Variants in DIDO1 observed in about 807,000 individuals in gnomAD.
DIDO1 encodes death inducer-obliterator 1.
Under a neutral mutation model 99.4 loss-of-function variants are expected in DIDO1, and 16 were observed. The observed-to-expected ratio is 0.16, with a 90% CI of 0.11 to 0.24. The LOEUF (loss-of-function observed/expected upper bound fraction) is 0.24, where lower values mean the gene tolerates loss of function less well. Ranked by LOEUF, DIDO1 falls within the 10% of genes least tolerant of loss-of-function variation. The pLI is 1.00. For synonymous variants in DIDO1, 1,366 were observed against 1,239.1 expected, an observed-to-expected ratio of 1.10 and a Z score of -2.15; for missense variants, 2,996 against 3,014.0, an observed-to-expected ratio of 0.99 and a Z score of 0.14.
chr20:62,932,887 G>A (rs1469278237), intron 1 of DIDO1, among the ~76,000 whole-genome samples: 1 of 152,214 alleles, frequency 6.6e-6, no homozygotes, highest in African/African-American at 2.4e-5. Context: ...ATTCTTTACA[G>A]GGTCTGGGTT....
At chr20:62,919,314 G>A (rs1408078833) in intron 1 of DIDO1, among the ~76,000 whole-genome samples, 1 of 152,182 alleles carries the variant, frequency 6.6e-6, no homozygotes, top group African/African-American at 2.4e-5. Context: ...TGAGGCAGGT[G>A]GATCACCTGA....
At chr20:62,926,300 T>C (rs2065254288) in intron 1 of DIDO1, 139 bp downstream of exon 1, 1 of 151,120 alleles carries the variant, frequency 6.6e-6, no homozygotes, top group African/African-American at 2.4e-5. Flanking sequence ...GGCCGCCATC[T>C]TCTCGGCGGG....
In DIDO1 at chr20:62,893,923, G is replaced by C. The variant is rs567340852; in HGVS notation, c.2844C>G (p.Pro948=). 9 of 1,611,844 alleles carry C rather than the reference G, an allele frequency of 5.6e-6. No homozygotes were observed. Among genetic ancestry groups the C allele is most frequent in the African/African-American group, 2.7e-5 (2 of 75,004 alleles). Residue 948 remains proline (P), a synonymous_variant, in exon 12 of 16, where the codon CCC becomes CCG. Coordinates refer to ENST00000395343, the MANE Select transcript of DIDO1 (RefSeq NM_001193369.2). The stretch of plus-strand genomic sequence containing the variant: ...CCCCGCTCCCACAGGAGGCTGGGCA[G>C]GGGGACAGGTCTTCCAGCGGGGAGG... ...PEPSPLEDLS[P]CPASCGSGVV...
intron 1 of DIDO1, among the ~76,000 whole-genome samples, chr20:62,921,991 T>C (rs1601029140): frequency 6.7e-6 from 1 of 150,056 alleles, no homozygotes; most frequent in Admixed American, 6.7e-5. Flanking sequence ...ATGTCCACAA[T>C]ATATATACAC....
At chr20:62,922,107 T>TAC (rs1281359081) in intron 1 of DIDO1, among the ~76,000 whole-genome samples, 12 of 66,218 alleles carry the variant, frequency 1.8e-4, no homozygotes, top group African/African-American at 5.7e-4. Context: ...ACACTATATA[T>TAC]ATACACACAC....
rs376802527 is a variant in DIDO1, at chr20:62,894,169, C to T, written c.2598G>A (p.Glu866=). 9.9e-6 allele frequency: 16 copies of T among 1,613,752 alleles called. No individual in the cohort carries two copies. Among genetic ancestry groups the T allele is most frequent in the East Asian group, 8.9e-5 (4 of 44,884 alleles). Residue 866 remains glutamate (E), a synonymous_variant, in exon 12 of 16, where the codon GAG becomes GAA. Transcript: ENST00000395343. This position sits in a 1 kb window ranked among gnomAD's most constrained non-coding sequence, Gnocchi z 4.4. The part of the protein sequence containing the change: ...CTGQVPSAED[E]PAPKKQKLSA... ...ACAATTTTTGTTTTTTCGGAGCTGG[C>T]TCATCTTCTGCGGAGGGAACCTGGC...
intron 4 of DIDO1, among the ~76,000 whole-genome samples, chr20:62,908,339 A>G (rs2064852037): frequency 6.6e-6 from 1 of 152,178 alleles, no homozygotes; most frequent in Non-Finnish European, 1.5e-5. Flanking sequence ...TCCCCTGCCA[A>G]GCCTCTGGAG....
chr20:62,932,210 G>A (rs11907309), intron 1 of DIDO1, among the ~76,000 whole-genome samples: 1 of 152,194 alleles, frequency 6.6e-6, no homozygotes, highest in African/African-American at 2.4e-5. Context: ...AGTAAATGTA[G>A]GGCCAGGCAC....
intron 14 of DIDO1, among the ~76,000 whole-genome samples, 153 bp from the exon 15 acceptor site, chr20:62,891,308 C>T (rs1305811929): frequency 5.3e-5 from 8 of 152,206 alleles, no homozygotes; most frequent in Admixed American, 3.3e-4. Context: ...AGGCAATTCA[C>T]GTGACATGTG....
intron 12 of DIDO1, among the ~76,000 whole-genome samples, 165 bp downstream of exon 12, chr20:62,893,501 A>G (rs1568842084): frequency 6.6e-6 from 1 of 152,214 alleles, no homozygotes; most frequent in Non-Finnish European, 1.5e-5. Context: ...CTACTTCCAA[A>G]AGGACAATAA....
intron 8 of DIDO1, 74 bp from the exon 9 acceptor site, chr20:62,895,239 C>G: frequency 7.2e-7 from 1 of 1,389,664 alleles, no homozygotes; most frequent in East Asian, 2.3e-5. Flanking sequence ...CTGGAAAACA[C>G]AGCTGCCCAG....
chr20:62,894,712 T>A lies in DIDO1; in HGVS notation c.2436+98A>T. 3.5e-6 allele frequency: 5 copies of A among 1,416,352 alleles called. No individual in the cohort carries two copies. Among genetic ancestry groups the A allele is most frequent in the Non-Finnish European group, 4.8e-6 (5 of 1,050,954 alleles). 87.7% of individuals were successfully genotyped at this position (1,416,352 alleles called of 1,614,324 possible). ...GAATGCCACAATGACATACACCTGC[T>A]GTAAGCTCAGGTCCTGCCCAATAAT... is the stretch of plus-strand genomic sequence containing the variant. On this transcript the variant is annotated intron_variant, in intron 10 of 15. Transcript: ENST00000395343. The surrounding 1 kb of genome is among the most constrained non-coding windows in gnomAD (Gnocchi z 4.4).
chr20:62,905,249 T>G (rs1049204311), intron 6 of DIDO1: 1 of 1,324,396 alleles, frequency 7.6e-7, no homozygotes, highest in Admixed American at 3.2e-5. Flanking sequence ...AGGTGTGAAC[T>G]CACTTACCGT....
chr20:62,913,990 ATTGT>A (rs1388322922), intron 2 of DIDO1, among the ~76,000 whole-genome samples: 1 of 152,184 alleles, frequency 6.6e-6, no homozygotes, highest in East Asian at 1.9e-4. Context: ...ATTATTATTT[ATTGT>A]TTGTCCCCCA....
rs757276006 is a variant in DIDO1 at position 62,905,968 on chromosome 20, G to C, written c.1507C>G (p.Pro503Ala). The change falls in exon 6 of 16, where the codon CCG (proline) becomes GCG (alanine). Residue 503 changes from proline to alanine, a missense_variant. Coordinates refer to ENST00000395343, the MANE Select transcript of DIDO1 (RefSeq NM_001193369.2). Reference sequence around the variant, plus strand: ...TAATTGTGATCGCTCGCCCACGACGGCGTGCTGCTCTCACAAGCTGCTTCC... The same window carrying C: ...TAATTGTGATCGCTCGCCCACGACGCCGTGCTGCTCTCACAAGCTGCTTCC... ...GKEAACESSTPSWASDHNYNA... is the reference protein window; with the variant it reads ...GKEAACESSTASWASDHNYNA... The C allele has an allele frequency of 6.2e-7, 1 of 1,614,048 alleles. No homozygotes were observed. Among genetic ancestry groups the C allele is most frequent in the East Asian group, 2.2e-5 (1 of 44,880 alleles).
In DIDO1 at chr20:62,881,236, C is replaced by A; in HGVS notation, c.4720G>T (p.Glu1574Ter). 1 of 1,603,060 alleles carries A rather than the reference C, an allele frequency of 6.2e-7. No individual in the cohort carries two copies. The highest frequency in any genetic ancestry group is 8.5e-7 in the Non-Finnish European group (1 of 1,177,402). The change falls in exon 16 of 16, where the codon GAG (glutamate) becomes TAG (stop). Residue 1574 changes from glutamate to a stop codon, truncating the protein, a stop_gained. Transcript: ENST00000395343. LOFTEE classifies it low-confidence loss of function (END_TRUNC). This position sits in a 1 kb window ranked among gnomAD's most constrained non-coding sequence, Gnocchi z 8.3. The part of the protein sequence containing the change: ...RRLATETGEG[E>*]GEPLSRLSAR... Reference sequence around the variant, plus strand: ...GAGAGCCTGGAGAGAGGCTCCCCCTCCCCCTCACCGGTCTCAGTGGCCAGG... The same window carrying A: ...GAGAGCCTGGAGAGAGGCTCCCCCTACCCCTCACCGGTCTCAGTGGCCAGG...
At chr20:62,910,733 T>A in intron 3 of DIDO1, 41 bp downstream of exon 3, 6 of 1,579,102 alleles carry the variant, frequency 3.8e-6, no homozygotes, top group Non-Finnish European at 5.2e-6. Flanking sequence ...AAATTCTGTT[T>A]GCAACCCTGG....
At chr20:62,892,995 GTC>G in intron 12 of DIDO1, 33 bp from the exon 13 acceptor site, 2 of 1,584,974 alleles carry the variant, frequency 1.3e-6, no homozygotes, top group Non-Finnish European at 8.6e-7. Flanking sequence ...AAAAGTCAAT[GTC>G]TCTCTGTGCA....
In DIDO1 at chr20:62,879,678, A is replaced by G. The variant is rs767966487; in HGVS notation, c.6278T>C (p.Val2093Ala). ...FEGRQRERFD[V>A]GPKEKPLEEP... ...CTCCAGCGGCTTCTCTTTGGGCCCC[A>G]CGTCAAACCGCTCTCTCTGCCTCCC... The change falls in exon 16 of 16, where the codon GTG (valine) becomes GCG (alanine). Residue 2093 changes from valine (V) to alanine (A), a missense_variant. Transcript: ENST00000395343. This position sits in a 1 kb window ranked among gnomAD's most constrained non-coding sequence, Gnocchi z 6.3. 4.3e-6 allele frequency: 7 copies of G among 1,609,220 alleles called. No homozygotes were observed. Among genetic ancestry groups the G allele is most frequent in the African/African-American group, 1.3e-5 (1 of 74,728 alleles).
Sources: gnomAD v4.1 joint callset for allele counts (sites outside exome capture counted in the v4.1 genomes callset) on GRCh38, gnomAD v4.1.1 for gene constraint, Gnocchi (gnomAD v3.1) non-coding constraint, MANE v1.5 for transcripts, NCBI Gene and HGNC (gene_info 2026-07-23, HGNC 2026-07-21) for gene names.